RBFOX1: variants seen among roughly 807,000 people sequenced by gnomAD.
RBFOX1 encodes the protein RNA binding fox-1 homolog 1.
RBFOX1 carries 8 observed loss-of-function variants against 57.7 expected under a neutral mutation model. The observed-to-expected ratio is 0.14, with a 90% CI of 0.08 to 0.25. The LOEUF (loss-of-function observed/expected upper bound fraction) is 0.25. RBFOX1 is among the 10% of genes least tolerant of loss of function. The pLI is 1.00. For synonymous variants in RBFOX1, 326 were observed against 222.4 expected, an observed-to-expected ratio of 1.47 and a Z score of -4.15; for missense variants, 611 against 548.5, an observed-to-expected ratio of 1.11 and a Z score of -1.14.
At chr16:6,876,463 C>G (rs896832068) in intron 3 of RBFOX1, among the ~76,000 whole-genome samples, 1 of 152,098 alleles carries the variant, frequency 6.6e-6, no homozygotes, top group African/African-American at 2.4e-5. Flanking sequence ...AAATCACCAC[C>G]TTGGTTTTTG....
chr16:7,541,983 A>C (rs2083079907), intron 5 of RBFOX1, among the ~76,000 whole-genome samples: 1 of 152,164 alleles, frequency 6.6e-6, no homozygotes, highest in South Asian at 2.1e-4. Context: ...CATTAGAGAG[A>C]TGGCCTTGGC....
At chr16:6,180,089 C>A (rs962775675) in intron 1 of RBFOX1, among the ~76,000 whole-genome samples, 1 of 152,090 alleles carries the variant, frequency 6.6e-6, no homozygotes, top group Admixed American at 6.5e-5. Flanking sequence ...ATATGTAGAT[C>A]TGCAGTATTC....
intron 3 of RBFOX1, among the ~76,000 whole-genome samples, chr16:5,605,492 C>A (rs1477788832): frequency 6.6e-6 from 1 of 152,026 alleles, no homozygotes; most frequent in Non-Finnish European, 1.5e-5. Context: ...AGTGGTGCCA[C>A]TGATGATTAA....
intron 3 of RBFOX1, among the ~76,000 whole-genome samples, chr16:6,986,225 G>C (rs929207877): frequency 2.5e-4 from 22 of 88,746 alleles, no homozygotes; most frequent in African/African-American, 1.2e-3. Context: ...TTCTGAGACA[G>C]AGTCTTGGTC....
At position 7,070,803 on chromosome 16, in the gene RBFOX1, C is replaced by T. The variant is rs59959249; in HGVS notation, c.27+18705C>T. On this transcript the variant is annotated intron_variant, in intron 4 of 15. Coordinates refer to ENST00000550418, the MANE Select transcript of RBFOX1 (RefSeq NM_018723.4). ...GCCATCCCCCTTCCCCTTAGCCATT[C>T]AGGTGGTGCGGATTGGGAAACTGGA... Among the ~76,000 whole-genome samples the T allele has an allele frequency of 8.3e-3, 1,268 of 152,276 alleles. 18 individuals carry two copies. The highest frequency in any genetic ancestry group is 0.026 in the African/African-American group (1,095 of 41,538).
At chr16:6,680,960 A>G (rs1568187825) in intron 3 of RBFOX1, among the ~76,000 whole-genome samples, 1 of 152,244 alleles carries the variant, frequency 6.6e-6, no homozygotes, top group African/African-American at 2.4e-5. Flanking sequence ...GGCCTGAGTA[A>G]CTTTTAACAT....
At chr16:6,347,110 C>G (rs1382431729) in intron 2 of RBFOX1, among the ~76,000 whole-genome samples, 1 of 152,140 alleles carries the variant, frequency 6.6e-6, no homozygotes, top group Non-Finnish European at 1.5e-5. Context: ...CCATTTGATG[C>G]TTTCTCTTCA....
At chr16:6,958,148 G>A (rs1027777059) in intron 3 of RBFOX1, among the ~76,000 whole-genome samples, 1 of 152,186 alleles carries the variant, frequency 6.6e-6, no homozygotes, top group Admixed American at 6.5e-5. Flanking sequence ...GAGAAGCAAG[G>A]GGAGGGGAAA....
rs533418196 is a variant in RBFOX1 at position 6,454,781 on chromosome 16, C to G, written c.-64+137724C>G. Among the ~76,000 whole-genome samples, 20 of 151,768 alleles carry G rather than the reference C, an allele frequency of 1.3e-4. 1 individual carries two copies. In the East Asian group the frequency reaches 2.9e-3, roughly 22 times the overall value. On this transcript the variant is annotated intron_variant, in intron 2 of 15. Transcript: ENST00000550418. Reference sequence around the variant, plus strand: ...AGAAGAGGCACACATCTTCTCTCCCCCTCCCTCCCCTTGCTTCTTCCCATT... The same window carrying G: ...AGAAGAGGCACACATCTTCTCTCCCGCTCCCTCCCCTTGCTTCTTCCCATT...
rs551819460 is a variant in RBFOX1 at position 6,987,276 on chromosome 16, A to T, written c.-15-64781A>T. 2.0e-5 allele frequency among the ~76,000 whole-genome samples: 3 copies of T among 152,254 alleles called. No individual in the cohort carries two copies. In the East Asian group the frequency reaches 5.8e-4, roughly 29 times the overall value. On this transcript the variant is annotated intron_variant, in intron 3 of 15. Transcript: ENST00000550418. ...TTGAATCATGGAATATTCATGCTGG[A>T]TGGAATCTTAGGATCATCTGGTTCA...
At chr16:5,756,906 G>T (rs1045537060) in intron 3 of RBFOX1, among the ~76,000 whole-genome samples, 1 of 152,040 alleles carries the variant, frequency 6.6e-6, no homozygotes, top group Non-Finnish European at 1.5e-5. Context: ...AAATATAAGG[G>T]TTCTACAAGA....
At chr16:7,161,610 T>G (rs2078342034) in intron 4 of RBFOX1, among the ~76,000 whole-genome samples, 1 of 152,174 alleles carries the variant, frequency 6.6e-6, no homozygotes, top group African/African-American at 2.4e-5. Context: ...TGTTTGAATC[T>G]CGGCTAAGTA....
intron 3 of RBFOX1, among the ~76,000 whole-genome samples, chr16:5,819,531 G>A (rs2055769198): frequency 6.6e-6 from 1 of 152,184 alleles, no homozygotes; most frequent in South Asian, 2.1e-4. Flanking sequence ...CTTGCAGGAA[G>A]CAGTGCAAAC....
At chr16:6,600,777 T>G (rs554269964) in intron 2 of RBFOX1, among the ~76,000 whole-genome samples, 94 of 152,148 alleles carry the variant, frequency 6.2e-4, no homozygotes, top group Non-Finnish European at 3.7e-4. Flanking sequence ...GATTATATCC[T>G]TTTATGTGGA....
chr16:6,778,303 A>C (rs892087143), intron 3 of RBFOX1, among the ~76,000 whole-genome samples: 1 of 152,146 alleles, frequency 6.6e-6, no homozygotes, highest in African/African-American at 2.4e-5. Context: ...AAAAGTAGAG[A>C]ATAGTAACAT....
rs944522730 is a variant in RBFOX1, at chr16:6,707,096, A to G, written c.-16+52446A>G. 2.0e-5 allele frequency among the ~76,000 whole-genome samples: 3 copies of G among 152,194 alleles called. No homozygotes were observed. In the South Asian group the frequency reaches 6.2e-4, roughly 32 times the overall value. On this transcript the variant is annotated intron_variant, in intron 3 of 15. Transcript: ENST00000550418. ...ATAATCTCTTTCCAGACTTCCATGCACACACACATTTCTCCCCATATATAT... is the reference window on the plus strand; with the variant it reads ...ATAATCTCTTTCCAGACTTCCATGCGCACACACATTTCTCCCCATATATAT...
At chr16:7,501,181 G>A (rs1315905033) in intron 4 of RBFOX1, among the ~76,000 whole-genome samples, 4 of 152,206 alleles carry the variant, frequency 2.6e-5, no homozygotes, top group South Asian at 2.1e-4. Context: ...TGGTGATGGA[G>A]AAGAGAATGA....
At chr16:6,059,067 C>T (rs2095652599) in intron 1 of RBFOX1, 2 of 152,204 alleles carry the variant, frequency 1.3e-5, no homozygotes, top group Non-Finnish European at 2.9e-5. Flanking sequence ...TATTAATAGA[C>T]TGCTTTCTCT....
chr16:5,338,647 T>G (rs1740578904), intron 1 of RBFOX1, among the ~76,000 whole-genome samples: 1 of 152,346 alleles, frequency 6.6e-6, no homozygotes, highest in African/African-American at 2.4e-5. Flanking sequence ...AGTTTTACTT[T>G]AAAGTTTTTT....
Sources: gnomAD v4.1 joint callset for allele counts (sites outside exome capture counted in the v4.1 genomes callset) on GRCh38, gnomAD v4.1.1 for gene constraint, MANE v1.5 for transcripts, NCBI Gene and HGNC (gene_info 2026-07-23, HGNC 2026-07-21) for gene names.